Variants in TBC1D22B observed in about 807,000 individuals in gnomAD.
The protein encoded by TBC1D22B is TBC1 domain family member 22B.
Under a neutral mutation model 69.1 loss-of-function variants are expected in TBC1D22B, and 32 were observed. That is an observed-to-expected ratio of 0.46 (90% CI 0.35 to 0.62). The LOEUF (loss-of-function observed/expected upper bound fraction) is 0.62, where lower values mean the gene tolerates loss of function less well. TBC1D22B is among the 20% of genes least tolerant of loss of function. The pLI is 0.00. For missense variants in TBC1D22B, 462 were observed against 630.9 expected (o/e 0.73, Z 2.87); for synonymous variants, 206 against 229.8 (o/e 0.90, Z 0.94).
In TBC1D22B at chr6:37,269,606, A is replaced by G. The variant is rs1194891489; in HGVS notation, c.69A>G (p.Val23=). 2 of 1,614,154 alleles carry G rather than the reference A, an allele frequency of 1.2e-6. No homozygotes were observed. Among genetic ancestry groups the G allele is most frequent in the East Asian group, 2.2e-5 (1 of 44,878 alleles). The change falls in exon 2 of 13, where the codon GTA becomes GTG. Residue 23 remains valine, a synonymous_variant. Coordinates refer to ENST00000373491, the MANE Select transcript of TBC1D22B (RefSeq NM_017772.4). ...TTTTTGCTTTTAGCATTCAGCCTGT[A>G]TATGGAGCACAGCATCCTCCTCTTG... is the stretch of plus-strand genomic sequence containing the variant. The part of the protein sequence containing the change: ...SAKLPGSIQP[V]YGAQHPPLDP...
intron 12 of TBC1D22B, among the ~76,000 whole-genome samples, chr6:37,330,590 A>C (rs978882182): frequency 5.9e-5 from 9 of 152,154 alleles, no homozygotes; most frequent in Admixed American, 5.9e-4. Context: ...AGGCTGCAGC[A>C]AGCTGTGATT....
chr6:37,309,397 G>T (rs1324970909), intron 8 of TBC1D22B, among the ~76,000 whole-genome samples: 3 of 152,118 alleles, frequency 2.0e-5, no homozygotes, highest in Non-Finnish European at 4.4e-5. Context: ...TTCCAATTAT[G>T]CTTGTATTTG....
intron 8 of TBC1D22B, among the ~76,000 whole-genome samples, chr6:37,301,417 C>G (rs1767569053): frequency 6.6e-6 from 1 of 152,182 alleles, no homozygotes; most frequent in African/African-American, 2.4e-5. Flanking sequence ...TCCCGTGTAT[C>G]CCTGGGCAAC....
At chr6:37,304,572 A>T (rs536647394) in intron 8 of TBC1D22B, among the ~76,000 whole-genome samples, 27 of 152,370 alleles carry the variant, frequency 1.8e-4, no homozygotes, top group African/African-American at 5.5e-4. Context: ...AGTTAAAAAT[A>T]GGTAAAGCTT....
chr6:37,322,308 C>T (rs566849122), intron 12 of TBC1D22B, among the ~76,000 whole-genome samples: 1 of 152,284 alleles, frequency 6.6e-6, no homozygotes, highest in African/African-American at 2.4e-5. Flanking sequence ...GAGGCCACGG[C>T]AGGCAGATCA....
In TBC1D22B at chr6:37,263,072, A is replaced by G. The variant is rs189780569; in HGVS notation, c.56+5099A>G. 9.2e-4 allele frequency among the ~76,000 whole-genome samples: 140 copies of G among 152,332 alleles called. 5 individuals are homozygous for G. The highest frequency in any genetic ancestry group is 9.1e-3 in the Admixed American group (139 of 15,292). On this transcript the variant is annotated intron_variant, in intron 1 of 12. Transcript: ENST00000373491. ...AACCTCTGGTTTTTAGGTCTAGCTT[A>G]AGTGGAGGCCTAGGTTTTGTAGAGA... is the stretch of plus-strand genomic sequence containing the variant.
intron 12 of TBC1D22B, among the ~76,000 whole-genome samples, chr6:37,320,979 ATATGT>A (rs764184998): frequency 2.6e-5 from 4 of 152,192 alleles, no homozygotes; most frequent in Non-Finnish European, 4.4e-5. Flanking sequence ...AATCATAATA[ATATGT>A]TAGGTTGAAT....
chr6:37,313,501 A>C (rs928722352), intron 9 of TBC1D22B, among the ~76,000 whole-genome samples: 7 of 152,074 alleles, frequency 4.6e-5, no homozygotes, highest in Non-Finnish European at 8.8e-5. Flanking sequence ...AAAAAAAAAA[A>C]AACAAAACAG....
Position 37,279,504 on chromosome 6 carries a change from G to A in TBC1D22B, c.314G>A (p.Ser105Asn). The A allele has an allele frequency of 6.2e-7, 1 of 1,614,164 alleles. No homozygotes were observed. The highest frequency in any genetic ancestry group is 1.1e-5 in the South Asian group (1 of 91,088). Residue 105 changes from serine to asparagine, a missense_variant, in exon 3 of 13, where the codon AGC (serine) becomes AAC (asparagine). Ser to Asn is a conservative substitution (Grantham distance 46, BLOSUM62 1). Around this residue, in one of 2 missense-constraint regions of TBC1D22B, gnomAD observed 237 missense variants for 255.4 expected, o/e 0.93. Transcript: ENST00000373491. ...ATAAQVLENH[S>N]KLRVKPERSQ... ...GCAGCCCAAGTTCTAGAAAACCACA[G>A]CAAGCTGAGAGTAAAACCAGAACGG...
intron 12 of TBC1D22B, among the ~76,000 whole-genome samples, chr6:37,325,599 G>A (rs1768371023): frequency 7.3e-6 from 1 of 136,676 alleles, no homozygotes; most frequent in African/African-American, 2.8e-5. Context: ...GCCCAGGCTG[G>A]AGTGCAGTGG....
chr6:37,282,872 C>A lies in TBC1D22B; in HGVS notation c.602-10C>A. 6.2e-7 allele frequency: 1 copy of A among 1,614,020 alleles called. No homozygotes were observed. Among genetic ancestry groups the A allele is most frequent in the Non-Finnish European group, 8.5e-7 (1 of 1,179,916 alleles). On this transcript the variant is annotated splice_polypyrimidine_tract_variant and intron_variant, in intron 4 of 12. Transcript: ENST00000373491. ...AGAGTTAACCTAACAAGGCTGTTTT[C>A]TATTTACAGATGAACTGAGGAAGTG...
chr6:37,306,678 G>C (rs1767727421), intron 8 of TBC1D22B, among the ~76,000 whole-genome samples: 1 of 152,158 alleles, frequency 6.6e-6, no homozygotes, highest in African/African-American at 2.4e-5. Flanking sequence ...GTGAAAACTT[G>C]GTGGTATGTT....
At chr6:37,291,748 TG>T (rs1306405796) in intron 8 of TBC1D22B, among the ~76,000 whole-genome samples, 2 of 152,212 alleles carry the variant, frequency 1.3e-5, no homozygotes, top group Admixed American at 6.5e-5. Context: ...GAGCAGGATG[TG>T]GACGTGCAGA....
chr6:37,281,357 T>C (rs538085242), intron 3 of TBC1D22B, among the ~76,000 whole-genome samples: 2 of 152,248 alleles, frequency 1.3e-5, no homozygotes, highest in Non-Finnish European at 2.9e-5. Flanking sequence ...GTGAGTCCTC[T>C]ACTGCTTATT....
At chr6:37,286,955 A>T in intron 6 of TBC1D22B, 52 bp from the exon 7 acceptor site, 1 of 1,561,396 alleles carries the variant, frequency 6.4e-7, no homozygotes, top group South Asian at 1.2e-5. Flanking sequence ...AAAAAAACAA[A>T]AACAAAAAAA....
chr6:37,284,230 A>C, intron 5 of TBC1D22B, 106 bp from the exon 6 acceptor site: 1 of 1,559,134 alleles, frequency 6.4e-7, no homozygotes, highest in African/African-American at 1.4e-5. Context: ...TACCCTTGGC[A>C]GTTTTCCTTC....
intron 1 of TBC1D22B, among the ~76,000 whole-genome samples, chr6:37,267,407 AATAT>A (rs1389396795): frequency 2.1e-5 from 3 of 139,544 alleles, no homozygotes; most frequent in Non-Finnish European, 3.0e-5. Flanking sequence ...ACACATATAT[AATAT>A]ATATATACAC....
rs200821353 is a variant in TBC1D22B at position 37,269,798 on chromosome 6, C to T, written c.113+148C>T. 14 of 714,828 alleles carry T rather than the reference C, an allele frequency of 2.0e-5. No homozygotes were observed. In the East Asian group the frequency reaches 3.5e-4, roughly 18 times the overall value. 44.3% of individuals were successfully genotyped at this position (714,828 alleles called of 1,614,324 possible). On this transcript the variant is annotated intron_variant, in intron 2 of 12. Coordinates refer to ENST00000373491, the MANE Select transcript of TBC1D22B (RefSeq NM_017772.4). ...CAGGAGATGAGCAATGTTCTTACTT[C>T]CAAATGGTCCATTGCTAAATGGGAA... is the stretch of plus-strand genomic sequence containing the variant.
At chr6:37,270,773 A>G (rs888710679) in intron 2 of TBC1D22B, among the ~76,000 whole-genome samples, 1 of 152,160 alleles carries the variant, frequency 6.6e-6, no homozygotes, top group African/African-American at 2.4e-5. Flanking sequence ...GGTTAGGGAG[A>G]TGCAGACCTA....
Sources: gnomAD v4.1 joint callset for allele counts (sites outside exome capture counted in the v4.1 genomes callset) on GRCh38, gnomAD v4.1.1 for gene constraint, gnomAD v4.1.1 regional missense constraint, MANE v1.5 for transcripts, NCBI Gene and HGNC (gene_info 2026-07-23, HGNC 2026-07-21) for gene names.